The following LEKR1 variants were observed in gnomAD, a reference collection of about 807,000 sequenced individuals.
The protein encoded by LEKR1 is protein LEKR1.
LEKR1 carries 59 observed loss-of-function variants against 72.4 expected under a neutral mutation model. The ratio of observed to expected loss-of-function variants is 0.82; its 90% confidence interval spans 0.66 to 1.01. The LOEUF (loss-of-function observed/expected upper bound fraction) is 1.01. Ranked by LOEUF, LEKR1 falls within the 50% of genes least tolerant of loss-of-function variation. The pLI is 0.00. For synonymous variants in LEKR1, 257 were observed against 263.2 expected (o/e 0.98, Z 0.23); for missense variants, 728 against 759.2 (o/e 0.96, Z 0.48).
chr3:156,929,169 T>A (rs1724985455), intron 5 of LEKR1, among the ~76,000 whole-genome samples: 1 of 152,028 alleles, frequency 6.6e-6, no homozygotes. Context: ...TGGACTTTTT[T>A]TTTTTAAAGT....
At chr3:156,871,974 C>T (rs988465245) in intron 3 of LEKR1, among the ~76,000 whole-genome samples, 1 of 151,968 alleles carries the variant, frequency 6.6e-6, no homozygotes, top group East Asian at 1.9e-4. Flanking sequence ...GGAGAATTCC[C>T]TCCTCTTCAG....
At chr3:156,953,331 T>C (rs1394416236) in intron 6 of LEKR1, among the ~76,000 whole-genome samples, 2 of 151,534 alleles carry the variant, frequency 1.3e-5, no homozygotes, top group Non-Finnish European at 3.0e-5. Context: ...AATATTGACA[T>C]ATTATTATTT....
In LEKR1 at chr3:156,860,431, G is replaced by A. The variant is rs892982028; in HGVS notation, c.263+7449G>A. On this transcript the variant is annotated intron_variant, in intron 3 of 12. Coordinates refer to ENST00000356539, the MANE Select transcript of LEKR1 (RefSeq NM_001004316.3). ...TATGAGGGACAGCACTTAAGAGTTCGGTTGGCAATTATCTCATGTTAGGTG... is the reference window on the plus strand; with the variant it reads ...TATGAGGGACAGCACTTAAGAGTTCAGTTGGCAATTATCTCATGTTAGGTG... Among the ~76,000 whole-genome samples, 14 of 152,170 alleles carry A rather than the reference G, an allele frequency of 9.2e-5. No individual in the cohort carries two copies. In the South Asian group the frequency reaches 2.3e-3, roughly 25 times the overall value.
intron 9 of LEKR1, among the ~76,000 whole-genome samples, chr3:157,007,893 A>G (rs539716231): frequency 2.6e-5 from 4 of 152,352 alleles, no homozygotes; most frequent in South Asian, 4.1e-4. Flanking sequence ...AGTTGGATAC[A>G]TGAATCAGAT....
intron 5 of LEKR1, among the ~76,000 whole-genome samples, chr3:156,937,647 G>A (rs1253926748): frequency 2.6e-5 from 4 of 152,052 alleles, no homozygotes; most frequent in Non-Finnish European, 5.9e-5. Flanking sequence ...ACCACATGAC[G>A]CAACATTTGC....
intron 6 of LEKR1, among the ~76,000 whole-genome samples, chr3:156,959,689 T>G (rs1265976377): frequency 6.6e-6 from 1 of 152,202 alleles, no homozygotes; most frequent in Admixed American, 6.6e-5. Flanking sequence ...TTGTTCCTTA[T>G]TCTTTCTTAG....
chr3:156,853,226 T>C (rs1302229460), intron 3 of LEKR1: 1 of 256,382 alleles, frequency 3.9e-6, no homozygotes, highest in Admixed American at 5.3e-5. Flanking sequence ...AGCTGAGACA[T>C]TCAAATTTTT....
intron 10 of LEKR1, among the ~76,000 whole-genome samples, chr3:157,019,623 G>T (rs1040934667): frequency 6.6e-6 from 1 of 152,082 alleles, no homozygotes; most frequent in Non-Finnish European, 1.5e-5. Flanking sequence ...ATTAGTTATT[G>T]TATAAAGTGG....
intron 2 of LEKR1, among the ~76,000 whole-genome samples, chr3:156,845,664 T>G (rs1229937129): frequency 6.6e-6 from 1 of 152,140 alleles, no homozygotes; most frequent in Non-Finnish European, 1.5e-5. Flanking sequence ...GAGGTCGTTT[T>G]CTGTTCTGTT....
chr3:157,046,112 A>T lies in LEKR1; in HGVS notation c.*362A>T, dbSNP rs1309628068. The T allele has an allele frequency of 5.3e-6, 1 of 187,176 alleles. No homozygotes were observed. The highest frequency in any genetic ancestry group is 2.4e-5 in the African/African-American group (1 of 42,434). The allele number at this position is 187,176 out of a possible 1,614,324, so 11.6% of individuals were successfully genotyped here. A position where few individuals can be genotyped will look rare whatever the true frequency, so the allele number is the denominator to read the frequency against. ...CAAGCAGATATATTTCCACAAAAAA[A>T]TAGATTGTTTGAGATTTGTTGGTAT... On this transcript the variant is annotated 3_prime_UTR_variant, in exon 13 of 13. Coordinates refer to ENST00000356539, the MANE Select transcript of LEKR1 (RefSeq NM_001004316.3).
chr3:157,000,227 C>T (rs1445290471), intron 9 of LEKR1, among the ~76,000 whole-genome samples: 2 of 152,086 alleles, frequency 1.3e-5, no homozygotes, highest in African/African-American at 4.8e-5. Flanking sequence ...AGAAGTAAAG[C>T]TATATCTTCA....
chr3:156,927,756 A>G (rs987311431), intron 5 of LEKR1, among the ~76,000 whole-genome samples, 152 bp downstream of exon 5: 5 of 152,016 alleles, frequency 3.3e-5, no homozygotes, highest in Non-Finnish European at 7.4e-5. Flanking sequence ...ATCTATTTCA[A>G]CTCTGAAATT....
chr3:156,882,240 G>T (rs1187498995), intron 3 of LEKR1, among the ~76,000 whole-genome samples: 2 of 151,828 alleles, frequency 1.3e-5, no homozygotes, highest in African/African-American at 2.4e-5. Flanking sequence ...GAAAATTTTC[G>T]CAACCTACTC....
At chr3:156,847,872 G>C (rs1335190372) in intron 2 of LEKR1, among the ~76,000 whole-genome samples, 1 of 151,998 alleles carries the variant, frequency 6.6e-6, no homozygotes, top group Non-Finnish European at 1.5e-5. Context: ...AAAATGTATT[G>C]CTTCACATAA....
intron 4 of LEKR1, 143 bp from the exon 5 acceptor site, chr3:156,927,286 T>C (rs1372336135): frequency 4.1e-6 from 1 of 245,714 alleles, no homozygotes. Flanking sequence ...TGTCTCAGCA[T>C]AATATGAATA....
intron 3 of LEKR1, among the ~76,000 whole-genome samples, chr3:156,858,613 G>A (rs1237046459): frequency 6.6e-6 from 1 of 151,172 alleles, no homozygotes; most frequent in Non-Finnish European, 1.5e-5. Flanking sequence ...GGTGGAGGCT[G>A]CAGTGAGCCG....
intron 2 of LEKR1, among the ~76,000 whole-genome samples, chr3:156,844,551 G>T (rs1714335133): frequency 6.6e-6 from 1 of 152,030 alleles, no homozygotes; most frequent in Admixed American, 6.5e-5. Context: ...CATGGCCCTG[G>T]CAACCATTGG....
intron 3 of LEKR1, among the ~76,000 whole-genome samples, chr3:156,892,499 A>G (rs976478382): frequency 2.0e-5 from 3 of 152,182 alleles, no homozygotes. Flanking sequence ...ATTCCATAAC[A>G]TGGCATATAT....
chr3:156,998,013 G>A (rs963122221), intron 9 of LEKR1, among the ~76,000 whole-genome samples: 4 of 152,144 alleles, frequency 2.6e-5, no homozygotes, highest in Non-Finnish European at 4.4e-5. Context: ...GGACACACTG[G>A]GACTGGTGAA....
Sources: gnomAD v4.1 joint callset for allele counts (sites outside exome capture counted in the v4.1 genomes callset) on GRCh38, gnomAD v4.1.1 for gene constraint, MANE v1.5 for transcripts, NCBI Gene and HGNC (gene_info 2026-07-23, HGNC 2026-07-21) for gene names.